The following GBF1 variants were observed in gnomAD, a reference collection of about 807,000 sequenced individuals.
GBF1 encodes the protein golgi brefeldin A resistant guanine nucleotide exchange factor 1, also known as Golgi-specific brefeldin A-resistance guanine nucleotide exchange factor 1.
In GBF1, 114 loss-of-function variants were observed where a neutral mutation model predicts 210.5. The observed-to-expected ratio is 0.54, with a 90% CI of 0.47 to 0.63. The LOEUF (loss-of-function observed/expected upper bound fraction) is 0.63. Ranked by LOEUF, GBF1 falls within the 30% of genes least tolerant of loss-of-function variation. The pLI, the probability that GBF1 is intolerant of heterozygous loss-of-function variation, is 0.00. For missense variants in GBF1, 1,851 were observed against 2,357.7 expected (o/e 0.79, Z 4.45); for synonymous variants, 850 against 889.2 (o/e 0.96, Z 0.78).
chr10:102,376,868 G>A (rs2060529917), intron 32 of GBF1, 67 bp from the exon 33 acceptor site: 1 of 1,608,458 alleles, frequency 6.2e-7, no homozygotes, highest in Admixed American at 1.7e-5. Context: ...GGCTGAGAGG[G>A]GAGAAAAGGC....
rs61875777 is a variant in GBF1 at position 102,363,858 on chromosome 10, G to T, written c.2106+60G>T. 16,054 of 1,004,212 alleles carry T rather than the reference G, an allele frequency of 0.016. 197 individuals carry two copies. The highest frequency in any genetic ancestry group is 0.03 in the Middle Eastern group (144 of 4,836). 62.2% of individuals were successfully genotyped at this position (1,004,212 alleles called of 1,614,324 possible). On this transcript the variant is annotated intron_variant, in intron 17 of 39. Coordinates refer to ENST00000369983, the MANE Select transcript of GBF1 (RefSeq NM_001377137.1). This position sits in a 1 kb window ranked among gnomAD's most constrained non-coding sequence, Gnocchi z 4.2. The stretch of plus-strand genomic sequence containing the variant: ...CTGTCTGGGTGTCCAGTGTTGTAGG[G>T]TTTCCATCTCAGAAGATGAAGGAGA...
chr10:102,273,459 G>T (rs1326469429), intron 3 of GBF1, among the ~76,000 whole-genome samples: 1 of 152,216 alleles, frequency 6.6e-6, no homozygotes, highest in East Asian at 1.9e-4. Flanking sequence ...TGTAGCGTAA[G>T]CTGTATCTTC....
intron 3 of GBF1, among the ~76,000 whole-genome samples, chr10:102,297,515 G>T (rs1376494873): frequency 6.6e-6 from 1 of 152,226 alleles, no homozygotes; most frequent in Non-Finnish European, 1.5e-5. Context: ...GTTGAGGAGA[G>T]ATTACTAGAA....
At chr10:102,260,473 CTTCTTTTTTTT>C (rs1397903890) in intron 3 of GBF1, among the ~76,000 whole-genome samples, 6 of 74,794 alleles carry the variant, frequency 8.0e-5, no homozygotes, top group African/African-American at 3.5e-4. Context: ...ATTTTCCTTT[CTTCTTTTTTTT>C]TTTTTTTTTT....
At chr10:102,263,186 G>A (rs2073446327) in intron 3 of GBF1, among the ~76,000 whole-genome samples, 1 of 152,200 alleles carries the variant, frequency 6.6e-6, no homozygotes, top group African/African-American at 2.4e-5. Context: ...TGCAACCCAT[G>A]ACTAATTTCT....
intron 3 of GBF1, among the ~76,000 whole-genome samples, chr10:102,293,775 T>TTTTTTG: frequency 3.6e-5 from 1 of 27,496 alleles, no homozygotes; most frequent in Admixed American, 4.0e-4. Context: ...TTTTGTGTTT[T>TTTTTTG]TTTTTTTTTT....
chr10:102,292,476 G>T (rs2076528396), intron 3 of GBF1, among the ~76,000 whole-genome samples: 1 of 152,114 alleles, frequency 6.6e-6, no homozygotes, highest in Admixed American at 6.6e-5. Flanking sequence ...AAGCAATTCT[G>T]CTTCAGCCTC....
chr10:102,318,504 T>A (rs989568762), intron 3 of GBF1, among the ~76,000 whole-genome samples: 1 of 152,148 alleles, frequency 6.6e-6, no homozygotes, highest in African/African-American at 2.4e-5. Flanking sequence ...TTTAGATTAT[T>A]CCCAGTTTTT....
upstream of GBF1, among the ~76,000 whole-genome samples, chr10:102,244,035 C>T (rs532008209): frequency 1.3e-5 from 2 of 152,290 alleles, no homozygotes; most frequent in South Asian, 4.1e-4. Context: ...GAGGCTGAGG[C>T]AGGAGAATCA....
chr10:102,332,279 C>T (rs12265919), intron 3 of GBF1, among the ~76,000 whole-genome samples: 1,646 of 152,204 alleles, frequency 0.011, 31 homozygotes, highest in African/African-American at 0.033. Flanking sequence ...TGTAGATGTT[C>T]AGTACAGATG....
chr10:102,252,113 G>A (rs1307689630), intron 1 of GBF1, among the ~76,000 whole-genome samples: 1 of 152,132 alleles, frequency 6.6e-6, no homozygotes, highest in East Asian at 1.9e-4. Flanking sequence ...GCCGAGGTGG[G>A]CAGATCACCT....
intron 2 of GBF1, 79 bp from the exon 3 acceptor site, chr10:102,259,971 A>G (rs1206445975): frequency 1.3e-6 from 1 of 754,746 alleles, no homozygotes; most frequent in East Asian, 2.5e-5. Context: ...ATTCATAGAA[A>G]GAGCCCTTGA....
chr10:102,378,096 T>C (rs1396243123), intron 33 of GBF1, among the ~76,000 whole-genome samples: 1 of 151,470 alleles, frequency 6.6e-6, no homozygotes, highest in Non-Finnish European at 1.5e-5. Context: ...CAGGCGCCTG[T>C]AGTCCCAGCT....
At chr10:102,381,303 G>C (rs778571471) in intron 39 of GBF1, 48 bp downstream of exon 39, 3 of 1,599,428 alleles carry the variant, frequency 1.9e-6, no homozygotes, top group Non-Finnish European at 2.6e-6. Context: ...GCAAGCAGGG[G>C]GCCTAAGAGG....
rs778320054 is a variant in GBF1 at position 102,351,964 on chromosome 10, A to G, written c.523+13A>G. 1.5e-6 allele frequency: 2 copies of G among 1,369,450 alleles called. No homozygotes were observed. The highest frequency in any genetic ancestry group is 2.3e-5 in the South Asian group (2 of 86,206). 84.8% of individuals were successfully genotyped at this position (1,369,450 alleles called of 1,614,324 possible). A position where few individuals can be genotyped will look rare whatever the true frequency, so the allele number is the denominator to read the frequency against. On this transcript the variant is annotated intron_variant, in intron 6 of 39. Transcript: ENST00000369983. ...ATGAGGCTCAGTGGTAGGTGCTTGG[A>G]TATTAGCCCCTTCACCATTCCTGGG...
chr10:102,247,073 C>T (rs2070930631), intron 1 of GBF1, among the ~76,000 whole-genome samples: 1 of 152,116 alleles, frequency 6.6e-6, no homozygotes, highest in African/African-American at 2.4e-5. Flanking sequence ...GGACTTGTGG[C>T]CTGCTTTTGG....
chr10:102,382,003 T>C lies in GBF1; in HGVS notation c.5303-53T>C, dbSNP rs1427559749. On this transcript the variant is annotated intron_variant, in intron 39 of 39. Transcript: ENST00000369983. ...AGCAGCCAGCTGGGCAATGTGAGAG[T>C]TGTCTTGTACCAACAAGGGAATCTG... The C allele has an allele frequency of 2.8e-6, 4 of 1,442,280 alleles. No homozygotes were observed. In the East Asian group the frequency reaches 9.4e-5, roughly 34 times the overall value. 89.3% of individuals were successfully genotyped at this position (1,442,280 alleles called of 1,614,324 possible).
At chr10:102,241,113 C>G (rs1387802331), upstream of GBF1, among the ~76,000 whole-genome samples, 1 of 152,170 alleles carries the variant, frequency 6.6e-6, no homozygotes, top group Non-Finnish European at 1.5e-5. This position sits in a 1 kb window ranked among gnomAD's most constrained non-coding sequence, Gnocchi z 6.7. Flanking sequence ...GGCTTCGTTC[C>G]GGATCCTCTG....
In GBF1 at chr10:102,360,188, A is replaced by G. The variant is rs774415677; in HGVS notation, c.1185A>G (p.Thr395=). Residue 395 remains threonine, a synonymous_variant, in exon 12 of 40, where the codon ACA becomes ACG. Transcript: ENST00000369983. ...TCTCCTCCTGGCCTTCCCCAGGCAC[A>G]GCTTTGGTCCCCTATGGTCTTCCCT... is the stretch of plus-strand genomic sequence containing the variant. ...RFTQSSQKEG[T]ALVPYGLPCI... 13 of 1,610,390 alleles carry G rather than the reference A, an allele frequency of 8.1e-6. No homozygotes were observed. The East Asian group carries it at 2.7e-4, about 33-fold the overall frequency.
Sources: gnomAD v4.1 joint callset for allele counts (sites outside exome capture counted in the v4.1 genomes callset) on GRCh38, gnomAD v4.1.1 for gene constraint, Gnocchi (gnomAD v3.1) non-coding constraint, MANE v1.5 for transcripts, NCBI Gene and HGNC (gene_info 2026-07-23, HGNC 2026-07-21) for gene names.